Variants in PIWIL2 observed in about 807,000 individuals in gnomAD.
PIWIL2 encodes the protein piwi like RNA-mediated gene silencing 2.
A neutral mutation model predicts 116.5 loss-of-function variants in PIWIL2; 81 were observed. That is an observed-to-expected ratio of 0.70 (90% CI 0.58 to 0.84). The LOEUF is 0.84. PIWIL2 is among the 40% of genes least tolerant of loss of function. The pLI, the probability that PIWIL2 is intolerant of heterozygous loss-of-function variation, is 0.00. For synonymous variants in PIWIL2, 489 were observed against 429.5 expected, an observed-to-expected ratio of 1.14 and a Z score of -1.71; for missense variants, 1,272 against 1,212.3, an observed-to-expected ratio of 1.05 and a Z score of -0.73.
intron 6 of PIWIL2, 137 bp downstream of exon 6, chr8:22,284,409 A>C (rs966396550): frequency 1.0e-5 from 5 of 490,580 alleles, no homozygotes; most frequent in Admixed American, 3.9e-5. Flanking sequence ...TCAGATCCTT[A>C]CAGGAAGTTT....
At position 22,351,440 on chromosome 8, in the gene PIWIL2, CATATATATATATATATATA is replaced by C. The variant is rs1832353605; in HGVS notation, c.2404-1518_2404-1500del. ...ACCTGTAAGGAACAGTGCATACATACATATATATATATATATATATATATATATATATATATATATATAA... is the reference window on the plus strand; with the variant it reads ...ACCTGTAAGGAACAGTGCATACATACTATATATATATATATATATATATAA... On this transcript the variant is annotated intron_variant, in intron 20 of 22. Coordinates refer to ENST00000356766, the MANE Select transcript of PIWIL2 (RefSeq NM_018068.5). 1.6e-3 allele frequency among the ~76,000 whole-genome samples: 87 copies of C among 52,956 alleles called. 3 individuals carry two copies. Among genetic ancestry groups the C allele is most frequent in the Admixed American group, 7.6e-3 (33 of 4,334 alleles). The allele number at this position is 52,956 out of a possible 152,430, so 34.7% of individuals were successfully genotyped here.
At chr8:22,279,712 G>A in intron 2 of PIWIL2, 128 bp downstream of exon 2, 3 of 804,942 alleles carry the variant, frequency 3.7e-6, no homozygotes, top group Admixed American at 2.3e-5. Flanking sequence ...CAGCACTTTG[G>A]GAGGCCGAGG....
chr8:22,353,541 G>A (rs192196886), intron 21 of PIWIL2, among the ~76,000 whole-genome samples: 37 of 152,116 alleles, frequency 2.4e-4, no homozygotes, highest in African/African-American at 6.5e-4. Flanking sequence ...CCAGCTACTC[G>A]GGAGGCTGAG....
At position 22,354,327 on chromosome 8, in the gene PIWIL2, A is replaced by G; in HGVS notation, c.2714A>G (p.His905Arg). ...HVRQGCGIPT[H>R]YVCVLNTANL... is the part of the protein sequence containing the mutation. ...CGGCAGGGCTGTGGCATTCCTACGCATTATGTCTGTGTTCTCAACACCGCA... is the reference window on the plus strand; with the variant it reads ...CGGCAGGGCTGTGGCATTCCTACGCGTTATGTCTGTGTTCTCAACACCGCA... The change falls in exon 22 of 23, where the codon CAT becomes CGT. Residue 905 changes from histidine (H) to arginine (R), a missense_variant. His to Arg is a conservative substitution (Grantham distance 29, BLOSUM62 0). Coordinates refer to ENST00000356766, the MANE Select transcript of PIWIL2 (RefSeq NM_018068.5). 3 of 1,613,814 alleles carry G rather than the reference A, an allele frequency of 1.9e-6. No individual in the cohort carries two copies. Among genetic ancestry groups the G allele is most frequent in the Non-Finnish European group, 2.5e-6 (3 of 1,179,828 alleles).
At chr8:22,290,464 C>G (rs1474479404) in intron 10 of PIWIL2, 118 bp downstream of exon 10, 23 of 622,358 alleles carry the variant, frequency 3.7e-5, no homozygotes, top group Non-Finnish European at 6.2e-5. Context: ...CCCCCAGAGA[C>G]AGGGTCTTGT....
At chr8:22,308,171 G>A (rs1483194014) in intron 14 of PIWIL2, 98 bp downstream of exon 14, 1 of 941,568 alleles carries the variant, frequency 1.1e-6, no homozygotes, top group African/African-American at 1.7e-5. Flanking sequence ...TTGAATGTTT[G>A]TCCATGTCAT....
chr8:22,287,883 G>A (rs556720723), intron 7 of PIWIL2, among the ~76,000 whole-genome samples: 18 of 152,280 alleles, frequency 1.2e-4, no homozygotes, highest in Admixed American at 3.9e-4. Context: ...GTTCATAGAG[G>A]GGAAGACAGA....
At chr8:22,291,926 C>T (rs545321696) in intron 10 of PIWIL2, among the ~76,000 whole-genome samples, 20 of 152,126 alleles carry the variant, frequency 1.3e-4, no homozygotes, top group African/African-American at 2.4e-4. Flanking sequence ...AAAGAGCACA[C>T]GGTCAGGGCA....
At chr8:22,277,540 T>C (rs1830405413) in intron 1 of PIWIL2, among the ~76,000 whole-genome samples, 2 of 152,170 alleles carry the variant, frequency 1.3e-5, no homozygotes, top group Non-Finnish European at 2.9e-5. Flanking sequence ...TTTTTTCTAT[T>C]TTTTAATTAT....
At chr8:22,278,448 A>T (rs971506689) in intron 1 of PIWIL2, among the ~76,000 whole-genome samples, 2 of 152,148 alleles carry the variant, frequency 1.3e-5, no homozygotes, top group African/African-American at 4.8e-5. Flanking sequence ...TGAGCCCAGG[A>T]GGTCAAGGCT....
At chr8:22,330,835 C>T (rs1031138974) in intron 20 of PIWIL2, among the ~76,000 whole-genome samples, 1 of 152,042 alleles carries the variant, frequency 6.6e-6, no homozygotes, top group Non-Finnish European at 1.5e-5. Flanking sequence ...CATACGTGTC[C>T]TACTTTTCTA....
At chr8:22,319,577 A>G (rs774602821) in intron 20 of PIWIL2, among the ~76,000 whole-genome samples, 6 of 152,212 alleles carry the variant, frequency 3.9e-5, no homozygotes, top group African/African-American at 1.2e-4. Context: ...GTGGATGGCT[A>G]TGTAGCAAAT....
At chr8:22,292,246 T>A (rs1830783323) in intron 10 of PIWIL2, among the ~76,000 whole-genome samples, 1 of 152,126 alleles carries the variant, frequency 6.6e-6, no homozygotes, top group Non-Finnish European at 1.5e-5. Context: ...TGCAGGACTT[T>A]GAGCAGTGCA....
chr8:22,293,134 T>C (rs1830802649), intron 10 of PIWIL2, among the ~76,000 whole-genome samples: 1 of 152,220 alleles, frequency 6.6e-6, no homozygotes, highest in African/African-American at 2.4e-5. Context: ...TGAATGCCTT[T>C]GCTTTTCTGC....
chr8:22,291,088 C>T (rs1168855042), intron 10 of PIWIL2, among the ~76,000 whole-genome samples: 1 of 151,864 alleles, frequency 6.6e-6, no homozygotes, highest in Non-Finnish European at 1.5e-5. Context: ...CCTGCCTCAG[C>T]CTCCTGAGTA....
intron 10 of PIWIL2, among the ~76,000 whole-genome samples, chr8:22,293,604 C>T (rs1324614881): frequency 6.6e-6 from 1 of 152,210 alleles, no homozygotes; most frequent in Non-Finnish European, 1.5e-5. Flanking sequence ...GGATTACAGG[C>T]ATGAACCACC....
Position 22,353,135 on chromosome 8 carries a change from A to G in PIWIL2, c.2580A>G (p.Leu860=), listed in dbSNP as rs140445541. ...TTCAGAAGAAAATCAGTACTAATCT[A>G]TATCTGGCTGCTCCTCAGAACTTTG... The part of the protein sequence containing the change: ...FVVQKKISTN[L]YLAAPQNFVT... Residue 860 remains leucine, a synonymous_variant, in exon 21 of 23, where the codon CTA becomes CTG. Transcript: ENST00000356766. The G allele has an allele frequency of 1.5e-5, 24 of 1,613,750 alleles. No homozygotes were observed. Among genetic ancestry groups the G allele is most frequent in the African/African-American group, 1.2e-4 (9 of 74,918 alleles).
At position 22,351,438 on chromosome 8, in the gene PIWIL2, TAC is replaced by T. The variant is rs1470052372; in HGVS notation, c.2404-1519_2404-1518del. Reference sequence around the variant, plus strand: ...TAACCTGTAAGGAACAGTGCATACATACATATATATATATATATATATATATA... The same window carrying T: ...TAACCTGTAAGGAACAGTGCATACATATATATATATATATATATATATATA... On this transcript the variant is annotated intron_variant, in intron 20 of 22. Coordinates refer to ENST00000356766, the MANE Select transcript of PIWIL2 (RefSeq NM_018068.5). Among the ~76,000 whole-genome samples, 372 of 64,680 alleles carry T rather than the reference TAC, an allele frequency of 5.8e-3. 1 individual carries two copies. Among genetic ancestry groups the T allele is most frequent in the Non-Finnish European group, 7.1e-3 (243 of 34,446 alleles). 42.4% of individuals were successfully genotyped at this position (64,680 alleles called of 152,430 possible).
At chr8:22,275,805 A>T in intron 1 of PIWIL2, 1 of 152,402 alleles carries the variant, frequency 6.6e-6, no homozygotes, top group South Asian at 2.1e-4. Context: ...GCACGCACCC[A>T]GGGATGCGAG....
Sources: allele counts gnomAD v4.1 joint callset (sites outside exome capture counted in the v4.1 genomes callset), GRCh38; gene constraint gnomAD v4.1.1; transcripts MANE v1.5; gene names NCBI Gene and HGNC (gene_info 2026-07-23, HGNC 2026-07-21).